Variants in PHF24 observed in about 807,000 individuals in gnomAD.
The protein encoded by PHF24 is Galpha inhibitory interacting protein.
PHF24 carries 25 observed loss-of-function variants against 42.6 expected under a neutral mutation model. The ratio of observed to expected loss-of-function variants is 0.59; its 90% CI spans 0.43 to 0.82. The LOEUF is 0.82. Among genes scored for constraint, PHF24 ranks in the 40% least tolerant of loss-of-function variants. The probability of loss-of-function intolerance (pLI) is 0.00; values close to 1 mark genes in which losing one functional copy is unlikely to be tolerated. For synonymous variants in PHF24, 185 were observed against 204.8 expected, an observed-to-expected ratio of 0.90 and a Z score of 0.83; for missense variants, 470 against 538.1, an observed-to-expected ratio of 0.87 and a Z score of 1.25.
the PHF24 span, among the ~76,000 whole-genome samples, chr9:34,886,515 T>C: frequency 6.6e-6 from 1 of 152,198 alleles, no homozygotes; most frequent in African/African-American, 2.4e-5. Context: ...GTCATTCCAT[T>C]GGTCACCTTC....
At chr9:34,848,181 G>A in the PHF24 span, among the ~76,000 whole-genome samples, 1 of 151,464 alleles carries the variant, frequency 6.6e-6, no homozygotes, top group Non-Finnish European at 1.5e-5. Flanking sequence ...AATGGTACCA[G>A]TTCCTCCTTG....
At chr9:34,893,614 GAAAAAAGAAAA>G in the PHF24 span, among the ~76,000 whole-genome samples, 3 of 150,690 alleles carry the variant, frequency 2.0e-5, no homozygotes, top group Non-Finnish European at 4.4e-5. Flanking sequence ...AAAAAAAAAA[GAAAAAAGAAAA>G]GAAAAAGAAA....
the PHF24 span, among the ~76,000 whole-genome samples, chr9:34,846,501 C>T: frequency 2.6e-5 from 4 of 151,662 alleles, no homozygotes. Flanking sequence ...GGATATTAGC[C>T]CTTTGTCAGA....
At chr9:34,957,563 C>T (rs997548895), upstream of PHF24, 1 of 152,246 alleles carries the variant, frequency 6.6e-6, no homozygotes, top group East Asian at 1.9e-4. Flanking sequence ...AAGTGGGTTA[C>T]ACGACAGCAC....
the PHF24 span, among the ~76,000 whole-genome samples, chr9:34,920,534 A>G: frequency 1.3e-5 from 2 of 152,118 alleles, no homozygotes; most frequent in Non-Finnish European, 2.9e-5. Context: ...CTATTTCTTT[A>G]AAGAATATCC....
At chr9:34,723,373 C>G in the PHF24 span, 1 of 1,551,702 alleles carries the variant, frequency 6.4e-7, no homozygotes, top group Non-Finnish European at 8.7e-7. Context: ...GGGGACCATC[C>G]AAGAAGGCTG....
At chr9:34,954,419 C>A (rs1463744273), upstream of PHF24, among the ~76,000 whole-genome samples, 2 of 152,228 alleles carry the variant, frequency 1.3e-5, no homozygotes, top group African/African-American at 4.8e-5. Context: ...GAGAAGGCCA[C>A]TGGGGCTTTG....
chr9:34,976,601 A>G, exon 5 of PHF24: 1 of 1,614,194 alleles, frequency 6.2e-7, no homozygotes, highest in Non-Finnish European at 8.5e-7. Flanking sequence ...GGGGACCGTG[A>G]CAGGGCCCTG....
the PHF24 span, among the ~76,000 whole-genome samples, chr9:34,890,405 G>A: frequency 6.6e-6 from 1 of 152,186 alleles, no homozygotes. Flanking sequence ...CCTCCAGGCT[G>A]GGTTGTTCAC....
chr9:34,732,139 G>A, the PHF24 span, among the ~76,000 whole-genome samples: 1,601 of 152,012 alleles, frequency 0.011, 24 homozygotes, highest in African/African-American at 0.035. Context: ...TGGGGTTACA[G>A]GCGTGAGCCT....
At chr9:34,949,415 TCAGCCACTGTGGAAGA>T in the PHF24 span, among the ~76,000 whole-genome samples, 7 of 152,192 alleles carry the variant, frequency 4.6e-5, no homozygotes, top group African/African-American at 1.7e-4. Flanking sequence ...GTAAATTAGT[TCAGCCACTGTGGAAGA>T]CAGTGTGCTG....
At chr9:34,811,059 C>G in the PHF24 span, among the ~76,000 whole-genome samples, 5 of 152,172 alleles carry the variant, frequency 3.3e-5, no homozygotes. Flanking sequence ...GTGCTAGGCA[C>G]TATACTAGGT....
exon 3 of PHF24, chr9:34,972,411 G>T (rs1176018632): frequency 1.2e-6 from 2 of 1,613,914 alleles, no homozygotes; most frequent in Non-Finnish European, 1.7e-6. Flanking sequence ...TCCCGTGCAG[G>T]GTCTGCACCA....
exon 8 of PHF24, chr9:34,978,718 G>C (rs899256279): frequency 2.0e-5 from 3 of 152,220 alleles, no homozygotes; most frequent in Non-Finnish European, 4.4e-5. Flanking sequence ...GTTGGGAAAA[G>C]AGTTAAACAT....
chr9:34,726,662 C>A, the PHF24 span: 3 of 1,551,662 alleles, frequency 1.9e-6, no homozygotes, highest in Non-Finnish European at 2.6e-6. Context: ...ATCTTGTATG[C>A]CATCTGCATA....
the PHF24 span, among the ~76,000 whole-genome samples, chr9:34,797,248 C>T: frequency 1.3e-5 from 2 of 152,092 alleles, no homozygotes; most frequent in Non-Finnish European, 2.9e-5. Flanking sequence ...ATCCTGAAGC[C>T]CCAGTGGGTA....
the PHF24 span, among the ~76,000 whole-genome samples, chr9:34,735,102 C>G: frequency 3.3e-5 from 5 of 150,654 alleles, no homozygotes; most frequent in African/African-American, 9.8e-5. Flanking sequence ...TCAGTCTACT[C>G]TCTTACAATA....
At chr9:34,879,276 G>A in the PHF24 span, among the ~76,000 whole-genome samples, 4 of 151,970 alleles carry the variant, frequency 2.6e-5, no homozygotes, top group South Asian at 4.1e-4. Flanking sequence ...CAGAAAAGCT[G>A]AAATTCTAAA....
chr9:34,834,161 G>A, the PHF24 span: 1 of 1,543,170 alleles, frequency 6.5e-7, no homozygotes, highest in Non-Finnish European at 8.7e-7. Flanking sequence ...TGGAATGCAG[G>A]GAAAAGGAGC....
Sources: gnomAD v4.1 joint callset for allele counts (sites outside exome capture counted in the v4.1 genomes callset) on GRCh38, gnomAD v4.1.1 for gene constraint, MANE v1.5 for transcripts, NCBI Gene and HGNC (gene_info 2026-07-23, HGNC 2026-07-21) for gene names.